The following SCLT1 variants were observed in gnomAD, a reference collection of about 807,000 sequenced individuals.
The protein encoded by SCLT1 is sodium channel and clathrin linker 1.
SCLT1 carries 78 observed loss-of-function variants against 112.8 expected under a neutral mutation model. The observed-to-expected ratio is 0.69, with a 90% CI of 0.58 to 0.83. The LOEUF is 0.83. SCLT1 is among the 40% of genes least tolerant of loss of function. SCLT1 has a pLI of 0.00. For synonymous variants in SCLT1, 257 were observed against 254.7 expected (o/e 1.01, Z -0.09); for missense variants, 747 against 770.4 (o/e 0.97, Z 0.36).
rs57797999 is a variant in SCLT1, at chr4:128,976,297, T to C, written c.687-5829A>G. ...TCTCTACAGGGGATTCTGATGTATA[T>C]TCACTGTCTTAAATTTTACAAAATA... is the stretch of plus-strand genomic sequence containing the variant. On this transcript the variant is annotated intron_variant, in intron 9 of 20. Transcript: ENST00000281142. Among the ~76,000 whole-genome samples, 949 of 152,328 alleles carry C rather than the reference T, an allele frequency of 6.2e-3. 7 individuals carry two copies. Among genetic ancestry groups the C allele is most frequent in the African/African-American group, 0.022 (899 of 41,576 alleles).
At chr4:128,901,008 A>G (rs1279369825) in intron 18 of SCLT1, among the ~76,000 whole-genome samples, 1 of 152,166 alleles carries the variant, frequency 6.6e-6, no homozygotes, top group African/African-American at 2.4e-5. Context: ...GGCAATCATT[A>G]AAAAGTCAGG....
intron 3 of SCLT1, 27 bp from the exon 4 acceptor site, chr4:129,043,494 A>T: frequency 9.7e-7 from 1 of 1,028,886 alleles, no homozygotes; most frequent in Admixed American, 2.2e-5. Context: ...AAAATATAGC[A>T]TATTCTGTTC....
At chr4:128,970,757 G>A (rs2126033386) in intron 9 of SCLT1, 2 of 247,256 alleles carry the variant, frequency 8.1e-6, no homozygotes, top group African/African-American at 2.3e-5. Flanking sequence ...TCTTGAAAAA[G>A]CACTTTATCA....
chr4:128,930,917 T>C (rs1579411242), intron 18 of SCLT1, among the ~76,000 whole-genome samples: 1 of 152,208 alleles, frequency 6.6e-6, no homozygotes, highest in East Asian at 1.9e-4. Flanking sequence ...AAAAAGAATT[T>C]GATAAGATCA....
chr4:128,924,119 G>C (rs1736104819), intron 18 of SCLT1, among the ~76,000 whole-genome samples: 1 of 151,664 alleles, frequency 6.6e-6, no homozygotes, highest in African/African-American at 2.4e-5. Flanking sequence ...TAACTTTGCA[G>C]TAAAATTGTC....
intron 2 of SCLT1, among the ~76,000 whole-genome samples, chr4:129,077,899 C>T (rs1335913533): frequency 6.6e-6 from 1 of 152,160 alleles, no homozygotes; most frequent in Non-Finnish European, 1.5e-5. Flanking sequence ...GGCATTATTG[C>T]TAGAAAGCAG....
At chr4:128,925,618 C>T (rs1336851140) in intron 18 of SCLT1, among the ~76,000 whole-genome samples, 1 of 152,144 alleles carries the variant, frequency 6.6e-6, no homozygotes, top group Non-Finnish European at 1.5e-5. Context: ...GCCACGGTGT[C>T]TGGCCCATTA....
chr4:128,943,550 C>G (rs1737891349), intron 16 of SCLT1, among the ~76,000 whole-genome samples: 1 of 152,090 alleles, frequency 6.6e-6, no homozygotes, highest in Non-Finnish European at 1.5e-5. Context: ...ACCAAAACTC[C>G]TTTACTTAAT....
chr4:129,005,441 A>G (rs1329241390), intron 5 of SCLT1, among the ~76,000 whole-genome samples: 1 of 152,216 alleles, frequency 6.6e-6, no homozygotes, highest in African/African-American at 2.4e-5. Context: ...GCCATCAGAG[A>G]AATGCAAATC....
At chr4:129,065,214 T>C (rs1750371050) in intron 2 of SCLT1, among the ~76,000 whole-genome samples, 1 of 152,060 alleles carries the variant, frequency 6.6e-6, no homozygotes, top group Non-Finnish European at 1.5e-5. Flanking sequence ...TCTATAGTAA[T>C]ATTTCTTAGT....
At chr4:129,044,144 A>G in intron 2 of SCLT1, 93 bp from the exon 3 acceptor site, 1 of 645,750 alleles carries the variant, frequency 1.5e-6, no homozygotes, top group South Asian at 2.0e-5. Flanking sequence ...AATTTTCATA[A>G]TCTTAGAAAC....
intron 4 of SCLT1, among the ~76,000 whole-genome samples, chr4:129,042,300 G>A (rs952075188): frequency 2.0e-5 from 3 of 152,096 alleles, no homozygotes; most frequent in African/African-American, 7.2e-5. Context: ...AGGGGAAAAT[G>A]TTAAAAGACA....
At chr4:129,019,818 C>T (rs944343929) in intron 5 of SCLT1, among the ~76,000 whole-genome samples, 1 of 152,104 alleles carries the variant, frequency 6.6e-6, no homozygotes, top group African/African-American at 2.4e-5. Context: ...TACAAAAGAT[C>T]CTAAAAACTA....
intron 18 of SCLT1, among the ~76,000 whole-genome samples, chr4:128,925,593 G>T (rs1251216382): frequency 6.6e-6 from 1 of 152,098 alleles, no homozygotes; most frequent in Non-Finnish European, 1.5e-5. Context: ...CAAAGTGCTA[G>T]GATTACAGGC....
intron 9 of SCLT1, among the ~76,000 whole-genome samples, chr4:128,987,730 A>G (rs1742224332): frequency 6.6e-6 from 1 of 152,174 alleles, no homozygotes; most frequent in Non-Finnish European, 1.5e-5. Context: ...ACTGGTCTCA[A>G]AGAGGATGTA....
chr4:128,912,149 A>G lies in SCLT1; in HGVS notation c.1830-21012T>C. ...CATTACACGGAGAGTCAAATGCATC[A>G]AACAAGCCATTTACTTTTAAAATGC... On this transcript the variant is annotated intron_variant, in intron 18 of 20. Transcript: ENST00000281142. 1.3e-5 allele frequency among the ~76,000 whole-genome samples: 2 copies of G among 152,344 alleles called. 1 individual carries two copies. The highest frequency in any genetic ancestry group is 4.8e-5 in the African/African-American group (2 of 41,592).
chr4:129,023,992 C>T (rs534439036), intron 5 of SCLT1, among the ~76,000 whole-genome samples: 4 of 152,212 alleles, frequency 2.6e-5, no homozygotes, highest in Non-Finnish European at 4.4e-5. Context: ...GGGGGAGGGG[C>T]GCCCGCCATT....
At chr4:129,083,167 G>T (rs1197991861) in intron 1 of SCLT1, among the ~76,000 whole-genome samples, 1 of 133,258 alleles carries the variant, frequency 7.5e-6, no homozygotes, top group East Asian at 2.4e-4. Flanking sequence ...CCCCAGCCTG[G>T]GTGACAGAGT....
chr4:129,030,322 G>C (rs888905515), intron 5 of SCLT1, among the ~76,000 whole-genome samples: 4 of 152,068 alleles, frequency 2.6e-5, no homozygotes, highest in Non-Finnish European at 4.4e-5. Flanking sequence ...GTGTTAAGAG[G>C]GAAATTTATA....
Sources: allele counts gnomAD v4.1 joint callset (sites outside exome capture counted in the v4.1 genomes callset), GRCh38; gene constraint gnomAD v4.1.1; transcripts MANE v1.5; gene names NCBI Gene and HGNC (gene_info 2026-07-23, HGNC 2026-07-21).